The following GSAP variants were observed in gnomAD, a reference collection of about 807,000 sequenced individuals.
The protein encoded by GSAP is gamma-secretase-activating protein.
GSAP carries 118 observed loss-of-function variants against 131.7 expected under a neutral mutation model. The observed-to-expected ratio is 0.90, with a 90% CI of 0.77 to 1.04. The LOEUF is 1.04. Among genes scored for constraint, GSAP ranks in the 50% least tolerant of loss-of-function variants. The probability of loss-of-function intolerance (pLI) is 0.00; values close to 1 mark genes in which losing one functional copy is unlikely to be tolerated. For missense variants in GSAP, 1,019 were observed against 1,013.2 expected (o/e 1.01, Z -0.08); for synonymous variants, 381 against 363.4 (o/e 1.05, Z -0.55).
At chr7:77,414,244 T>C (rs1170448408) in intron 1 of GSAP, among the ~76,000 whole-genome samples, 2 of 152,278 alleles carry the variant, frequency 1.3e-5, no homozygotes. Flanking sequence ...TAGTAATTCA[T>C]AATTTACATT....
intron 24 of GSAP, among the ~76,000 whole-genome samples, chr7:77,322,589 T>TC (rs1287639996): frequency 7.5e-6 from 1 of 133,854 alleles, no homozygotes; most frequent in Admixed American, 7.3e-5. Context: ...TGAGTTTTTT[T>TC]TTTTTTTTTT....
chr7:77,399,184 AG>A, intron 3 of GSAP, among the ~76,000 whole-genome samples: 1 of 152,366 alleles, frequency 6.6e-6, no homozygotes, highest in Non-Finnish European at 1.5e-5. Context: ...TGCAAGTATC[AG>A]AAGTCTTTAA....
At chr7:77,315,772 G>A (rs1028142958) in intron 26 of GSAP, 2 of 152,134 alleles carry the variant, frequency 1.3e-5, no homozygotes, top group East Asian at 1.9e-4. Flanking sequence ...CAGCTGGGTT[G>A]GAATCATATT....
At chr7:77,316,883 C>T (rs74338692) in intron 26 of GSAP, among the ~76,000 whole-genome samples, 2,141 of 152,262 alleles carry the variant, frequency 0.014, 20 homozygotes, top group Non-Finnish European at 0.021. Context: ...CAATACAGTT[C>T]CTTTTTTTAA....
rs1417659650 is a variant in GSAP at position 77,411,672 on chromosome 7, T to C, written c.109+4541A>G. The stretch of plus-strand genomic sequence containing the variant: ...TCATAGTTGGAAAGATCCAATATTG[T>C]AAAGATGCCAATTCTCCCCAAGCTG... On this transcript the variant is annotated intron_variant, in intron 1 of 30. Coordinates refer to ENST00000257626, the MANE Select transcript of GSAP (RefSeq NM_017439.4). Among the ~76,000 whole-genome samples, 3 of 152,294 alleles carry C rather than the reference T, an allele frequency of 2.0e-5. No homozygotes were observed. In the East Asian group the frequency reaches 5.8e-4, roughly 29 times the overall value.
At chr7:77,416,409 C>T, upstream of GSAP, 1 of 600,294 alleles carries the variant, frequency 1.7e-6, no homozygotes, top group Non-Finnish European at 2.7e-6. Flanking sequence ...CGCGTCCCCG[C>T]TCCCGCCCCC....
In GSAP at chr7:77,377,534, C is replaced by G. The variant is rs541037288; in HGVS notation, c.577-144G>C. On this transcript the variant is annotated intron_variant, in intron 8 of 30. Transcript: ENST00000257626. ...AGTTCACTGTTAGAAGCTCCCCACC[C>G]CTAGTATACACAGTCTTTCCAGAAA... 6 of 982,122 alleles carry G rather than the reference C, an allele frequency of 6.1e-6. No homozygotes were observed. The East Asian group carries it at 1.4e-4, about 23-fold the overall frequency. The allele number at this position is 982,122 out of a possible 1,614,324, so 60.8% of individuals were successfully genotyped here.
At chr7:77,371,029 T>C (rs1796036674) in intron 12 of GSAP, among the ~76,000 whole-genome samples, 1 of 152,174 alleles carries the variant, frequency 6.6e-6, no homozygotes, top group South Asian at 2.1e-4. Context: ...TCCTCCCTCC[T>C]GACCAAATAC....
chr7:77,326,339 G>C, intron 22 of GSAP, 66 bp from the exon 23 acceptor site: 1 of 1,089,544 alleles, frequency 9.2e-7, no homozygotes, highest in Non-Finnish European at 1.4e-6. Context: ...GAAGGAAGAA[G>C]AATCAGCCTG....
intron 1 of GSAP, among the ~76,000 whole-genome samples, chr7:77,413,015 T>C (rs1803571745): frequency 1.3e-5 from 2 of 152,272 alleles, no homozygotes; most frequent in Admixed American, 6.5e-5. Context: ...GTAAGAGTAC[T>C]GACCATACAG....
intron 24 of GSAP, among the ~76,000 whole-genome samples, chr7:77,322,336 G>C (rs1299585777): frequency 6.6e-6 from 1 of 152,186 alleles, no homozygotes; most frequent in Non-Finnish European, 1.5e-5. Flanking sequence ...AGGGAGATGT[G>C]GCCTCAATCA....
In GSAP at chr7:77,328,629, G is replaced by C; in HGVS notation, c.1742C>G (p.Ser581Cys). The C allele has an allele frequency of 6.3e-7, 1 of 1,596,372 alleles. No homozygotes were observed. Residue 581 changes from serine (S) to cysteine (C), a missense_variant, in exon 22 of 31, where the codon TCT becomes TGT. Physicochemically the swap from Ser to Cys is moderately radical, Grantham distance 112 (BLOSUM62 -1). Coordinates refer to ENST00000257626, the MANE Select transcript of GSAP (RefSeq NM_017439.4). Reference sequence around the variant, plus strand: ...ACCCAAATTTCTTGCTTCTAGGTTAGAAATCACCCTACGAAGAAATTAGCC... The same window carrying C: ...ACCCAAATTTCTTGCTTCTAGGTTACAAATCACCCTACGAAGAAATTAGCC... ...NILDNAVKVI[S>C]NLEARNLGPR...
At chr7:77,325,664 G>A (rs1788235961) in intron 23 of GSAP, among the ~76,000 whole-genome samples, 1 of 152,202 alleles carries the variant, frequency 6.6e-6, no homozygotes, top group Admixed American at 6.5e-5. Flanking sequence ...TCCACTTCCT[G>A]GGTTCAAGCG....
At chr7:77,382,774 A>G in intron 6 of GSAP, 131 bp from the exon 7 acceptor site, 1 of 573,786 alleles carries the variant, frequency 1.7e-6, no homozygotes, top group South Asian at 2.2e-5. Flanking sequence ...GTTTAGGGGA[A>G]TCACCTGCAC....
intron 5 of GSAP, among the ~76,000 whole-genome samples, chr7:77,391,875 T>G (rs1799604062): frequency 6.6e-6 from 1 of 152,088 alleles, no homozygotes; most frequent in Non-Finnish European, 1.5e-5. Context: ...AGAACCAGAT[T>G]ACTTCTACAA....
chr7:77,327,770 A>G (rs769713569), intron 22 of GSAP, among the ~76,000 whole-genome samples: 9 of 152,080 alleles, frequency 5.9e-5, no homozygotes, highest in Non-Finnish European at 8.8e-5. Context: ...GTTTATCAAG[A>G]CTTAACTCAC....
intron 26 of GSAP, among the ~76,000 whole-genome samples, chr7:77,316,981 T>C (rs1195274078): frequency 6.6e-6 from 1 of 152,182 alleles, no homozygotes; most frequent in East Asian, 1.9e-4. Context: ...TACAAGTCTC[T>C]GACAATCGTA....
At position 77,320,822 on chromosome 7, in the gene GSAP, G is replaced by C. The variant is rs762284642; in HGVS notation, c.1995-3C>G. 3.8e-6 allele frequency: 6 copies of C among 1,591,780 alleles called. No homozygotes were observed. The highest frequency in any genetic ancestry group is 5.2e-6 in the Non-Finnish European group (6 of 1,160,084). ...CAGCAGCACTGCCACGACTATTGCT[G>C]GGTAAAAAAAACAAAGCAGCATGTC... On this transcript the variant is annotated splice_region_variant and splice_polypyrimidine_tract_variant and intron_variant, in intron 25 of 30. Coordinates refer to ENST00000257626, the MANE Select transcript of GSAP (RefSeq NM_017439.4).
rs1415658266 is a variant in GSAP, at chr7:77,404,635, T to C, written c.187-20A>G. 2 of 1,356,540 alleles carry C rather than the reference T, an allele frequency of 1.5e-6. No homozygotes were observed. Among genetic ancestry groups the C allele is most frequent in the South Asian group, 1.2e-5 (1 of 84,338 alleles). 84.0% of individuals were successfully genotyped at this position (1,356,540 alleles called of 1,614,324 possible). ...ATCATCCTAAAAAAAATTAACCAGA[T>C]GTTTATTAAATGTCATTGTTTAGGA... On this transcript the variant is annotated intron_variant, in intron 2 of 30. Coordinates refer to ENST00000257626, the MANE Select transcript of GSAP (RefSeq NM_017439.4).
Sources: allele counts gnomAD v4.1 joint callset (sites outside exome capture counted in the v4.1 genomes callset), GRCh38; gene constraint gnomAD v4.1.1; transcripts MANE v1.5; gene names NCBI Gene and HGNC (gene_info 2026-07-23, HGNC 2026-07-21).